PDXDC1: variants seen among roughly 807,000 people sequenced by gnomAD.
PDXDC1 encodes pyridoxal-dependent decarboxylase domain-containing protein 1.
PDXDC1 carries 42 observed loss-of-function variants against 100.1 expected under a neutral mutation model. The ratio of observed to expected loss-of-function variants is 0.42; its 90% CI spans 0.33 to 0.54. The LOEUF is 0.54. Among genes scored for constraint, PDXDC1 ranks in the 20% least tolerant of loss-of-function variants. The pLI, the probability that PDXDC1 is intolerant of heterozygous loss-of-function variation, is 0.10. For synonymous variants in PDXDC1, 260 were observed against 371.7 expected, an observed-to-expected ratio of 0.70 and a Z score of 3.46; for missense variants, 636 against 979.2, an observed-to-expected ratio of 0.65 and a Z score of 4.68.
intron 16 of PDXDC1, among the ~76,000 whole-genome samples, chr16:15,116,479 C>CAAAAA (rs1193819668): frequency 7.1e-5 from 2 of 28,144 alleles, no homozygotes; most frequent in African/African-American, 1.1e-4. Flanking sequence ...GACTCTGTCT[C>CAAAAA]AAAAAAAAAA....
In PDXDC1 at chr16:15,112,245, C is replaced by T. The variant is rs952118830; in HGVS notation, c.1400-26634C>T. On this transcript the variant is annotated intron_variant, in intron 16 of 16. Coordinates refer to the PDXDC1 transcript ENST00000535621. The stretch of plus-strand genomic sequence containing the variant: ...CATTGAAATGACTTTTTTCTTGAGA[C>T]GGAGTGTCAGTCAACCATGCTGAAG... 4.0e-5 allele frequency among the ~76,000 whole-genome samples: 6 copies of T among 148,516 alleles called. 1 individual carries two copies. The highest frequency in any genetic ancestry group is 9.0e-5 in the Non-Finnish European group (6 of 66,516).
chr16:15,044,400 C>T lies in PDXDC1; in HGVS notation c.1399+14344C>T, dbSNP rs2043958162. On this transcript the variant is annotated intron_variant, in intron 16 of 16. Transcript: ENST00000535621. The stretch of plus-strand genomic sequence containing the variant: ...TCACTGAAGCCTCCAACAAGGTGTA[C>T]TTCCAGCCTGGCAAAGAGATGAGAC... 3 of 1,612,442 alleles carry T rather than the reference C, an allele frequency of 1.9e-6. No individual in the cohort carries two copies. In the East Asian group the frequency reaches 6.7e-5, roughly 36 times the overall value.
chr16:15,039,979 G>T, downstream of PDXDC1: 1 of 1,591,506 alleles, frequency 6.3e-7, no homozygotes, highest in Non-Finnish European at 8.6e-7. Context: ...TGGTCCTCCT[G>T]CTAAAGTTCG....
chr16:15,124,106 A>C (rs987993965), intron 16 of PDXDC1, among the ~76,000 whole-genome samples: 1 of 152,240 alleles, frequency 6.6e-6, no homozygotes, highest in South Asian at 2.1e-4. Flanking sequence ...CAAGAAACAA[A>C]GTTCATCAGC....
intron 16 of PDXDC1, among the ~76,000 whole-genome samples, chr16:15,050,628 A>AGT (rs575415327): frequency 1.7e-3 from 254 of 152,104 alleles, no homozygotes; most frequent in African/African-American, 5.8e-3. Context: ...GCTACTCTGG[A>AGT]GGCTCAGGTA....
chr16:15,092,081 A>G (rs1412731297), intron 16 of PDXDC1, among the ~76,000 whole-genome samples: 1 of 152,196 alleles, frequency 6.6e-6, no homozygotes, highest in Non-Finnish European at 1.5e-5. Context: ...CGGAAGACTG[A>G]GGCAGGAGAA....
rs150672980 is a variant in PDXDC1 at position 15,047,450 on chromosome 16, T to C, written c.1399+17394T>C. ...AGCAGCGTAGATCTCACCTTCCACA[T>C]TGAGCGTGGTCAGAAAAGGATTTTA... is the stretch of plus-strand genomic sequence containing the variant. On this transcript the variant is annotated intron_variant, in intron 16 of 16. Coordinates refer to the PDXDC1 transcript ENST00000535621. 2.0e-3 allele frequency: 3,214 copies of C among 1,600,192 alleles called. 7 individuals carry two copies. Among genetic ancestry groups the C allele is most frequent in the Non-Finnish European group, 2.0e-3 (2,354 of 1,167,458 alleles).
At chr16:15,068,794 A>G (rs1369213590) in intron 16 of PDXDC1, among the ~76,000 whole-genome samples, 7 of 152,234 alleles carry the variant, frequency 4.6e-5, no homozygotes, top group Non-Finnish European at 1.0e-4. Context: ...TTAGACAGAA[A>G]CCACTTTCTT....
chr16:15,130,416 G>A (rs749182955), intron 16 of PDXDC1: 2 of 1,544,988 alleles, frequency 1.3e-6, no homozygotes, highest in East Asian at 2.3e-5. Context: ...GAAGTGGCTG[G>A]AGAGGTTCAG....
the PDXDC1 span, among the ~76,000 whole-genome samples, chr16:15,148,941 G>A: frequency 5.3e-5 from 8 of 152,284 alleles, no homozygotes; most frequent in South Asian, 1.4e-3. Flanking sequence ...CAAGTTTGGC[G>A]AGTTTGCATC....
chr16:15,070,069 CCTT>C, intron 16 of PDXDC1: 1 of 1,529,916 alleles, frequency 6.5e-7, no homozygotes, highest in Non-Finnish European at 9.0e-7. Flanking sequence ...ACAACACTGA[CCTT>C]CTTTCAGGTT....
rs534050818 is a variant in PDXDC1 at position 15,102,048 on chromosome 16, A to G, written c.1400-36831A>G. ...TTTTTGGTAGAGACAGGGTTTCGCC[A>G]TGTTGGTCAGGCTGCTCTTGAACGC... is the stretch of plus-strand genomic sequence containing the variant. On this transcript the variant is annotated intron_variant, in intron 16 of 16. Transcript: ENST00000535621. Among the ~76,000 whole-genome samples, 13 of 152,224 alleles carry G rather than the reference A, an allele frequency of 8.5e-5. No homozygotes were observed. The East Asian group carries it at 2.5e-3, about 29-fold the overall frequency.
chr16:15,069,745 C>A (rs1420896900), intron 16 of PDXDC1, among the ~76,000 whole-genome samples: 1 of 152,210 alleles, frequency 6.6e-6, no homozygotes, highest in Non-Finnish European at 1.5e-5. Context: ...GTGCATCCAA[C>A]TGAAGCTTTG....
At chr16:15,042,467 G>T (rs2043859546), downstream of PDXDC1, among the ~76,000 whole-genome samples, 1 of 152,116 alleles carries the variant, frequency 6.6e-6, no homozygotes, top group South Asian at 2.1e-4. Flanking sequence ...TGGGATTACA[G>T]GAATGAGCCA....
At chr16:14,981,504 C>T (rs1360246024) in intron 1 of PDXDC1, among the ~76,000 whole-genome samples, 7 of 152,282 alleles carry the variant, frequency 4.6e-5, no homozygotes, top group Admixed American at 4.6e-4. Context: ...CTTTTTGTTC[C>T]AGAATAAAGG....
In PDXDC1 at chr16:15,038,146, ATCAAGGTAGATCTAATATGT is replaced by A; in HGVS notation, c.*1876_*1895del. On this transcript the variant is annotated 3_prime_UTR_variant, in exon 23 of 23. Coordinates refer to ENST00000396410, the MANE Select transcript of PDXDC1 (RefSeq NM_015027.4). ...TGGAGATGGGTGTTTTTTTAAAAAC[ATCAAGGTAGATCTAATATGT>A]TCAACAAAGTGGGGTGGCTCAGCCA... The A allele has an allele frequency of 6.2e-7, 1 of 1,613,470 alleles. No individual in the cohort carries two copies. Among genetic ancestry groups the A allele is most frequent in the Non-Finnish European group, 8.5e-7 (1 of 1,179,396 alleles).
At chr16:14,994,952 G>T (rs1357784647) in intron 1 of PDXDC1, among the ~76,000 whole-genome samples, 1 of 152,276 alleles carries the variant, frequency 6.6e-6, no homozygotes, top group Non-Finnish European at 1.5e-5. Flanking sequence ...GTCTGTTATT[G>T]GTGTATAAGA....
intron 16 of PDXDC1, among the ~76,000 whole-genome samples, chr16:15,099,147 G>T (rs1400785401): frequency 6.6e-6 from 1 of 152,108 alleles, no homozygotes; most frequent in Admixed American, 6.6e-5. Flanking sequence ...TACTGGCCGG[G>T]CCCTGTGGCT....
intron 16 of PDXDC1, chr16:15,104,297 A>T (rs1433233732): frequency 6.7e-7 from 1 of 1,486,256 alleles, no homozygotes; most frequent in African/African-American, 1.4e-5. Flanking sequence ...AAGCAATAAC[A>T]TAAGGACTGC....
Sources: gnomAD v4.1 joint callset for allele counts (sites outside exome capture counted in the v4.1 genomes callset) on GRCh38, gnomAD v4.1.1 for gene constraint, MANE v1.5 for transcripts, NCBI Gene and HGNC (gene_info 2026-07-23, HGNC 2026-07-21) for gene names.